NCOA3: variants seen among roughly 807,000 people sequenced by gnomAD.
The protein encoded by NCOA3 is CBP-interacting protein.
Under a neutral mutation model 158.8 loss-of-function variants are expected in NCOA3, and 51 were observed. The ratio of observed to expected loss-of-function variants is 0.32; its 90% confidence interval spans 0.26 to 0.41. NCOA3 has a LOEUF of 0.41. Among genes scored for constraint, NCOA3 ranks in the 10% least tolerant of loss-of-function variants. NCOA3 has a pLI of 1.00. For synonymous variants in NCOA3, 537 were observed against 592.4 expected (o/e 0.91, Z 1.36); for missense variants, 1,510 against 1,746.6 (o/e 0.86, Z 2.41).
At chr20:47,588,442 C>A (rs576934433) in intron 2 of NCOA3, among the ~76,000 whole-genome samples, 1 of 152,162 alleles carries the variant, frequency 6.6e-6, no homozygotes, top group Non-Finnish European at 1.5e-5. Context: ...ACCTCCACCC[C>A]ACTTTTACTT....
intron 17 of NCOA3, among the ~76,000 whole-genome samples, chr20:47,644,855 G>A (rs994757602): frequency 1.3e-5 from 2 of 151,922 alleles, no homozygotes; most frequent in Non-Finnish European, 2.9e-5. Flanking sequence ...ACGCCACCAC[G>A]CCCGGCTTTT....
chr20:47,570,942 A>AC (rs2146201330), intron 1 of NCOA3, among the ~76,000 whole-genome samples: 1 of 110,440 alleles, frequency 9.1e-6, no homozygotes, highest in South Asian at 3.0e-4. Context: ...ATATATATAC[A>AC]CACACACACA....
chr20:47,557,040 A>T (rs2061227844), intron 1 of NCOA3, among the ~76,000 whole-genome samples: 1 of 152,194 alleles, frequency 6.6e-6, no homozygotes, highest in Admixed American at 6.5e-5. Context: ...GGATAGTCTA[A>T]TAATAAACCA....
At chr20:47,552,742 T>A (rs1213560521) in intron 1 of NCOA3, among the ~76,000 whole-genome samples, 1 of 152,184 alleles carries the variant, frequency 6.6e-6, no homozygotes, top group African/African-American at 2.4e-5. Flanking sequence ...TAAAGGAATA[T>A]ATGAAAAGAA....
chr20:47,611,301 CT>C (rs2086039495), intron 2 of NCOA3, among the ~76,000 whole-genome samples: 1 of 152,206 alleles, frequency 6.6e-6, no homozygotes, highest in South Asian at 2.1e-4. Flanking sequence ...TTATCCAGTT[CT>C]TTCTCACTTA....
intron 4 of NCOA3, among the ~76,000 whole-genome samples, chr20:47,624,595 C>T (rs2086292765): frequency 6.6e-6 from 1 of 152,154 alleles, no homozygotes; most frequent in African/African-American, 2.4e-5. Flanking sequence ...AGCCCCATTC[C>T]TAACAGGCCA....
At chr20:47,576,976 A>G (rs1355376837) in intron 1 of NCOA3, among the ~76,000 whole-genome samples, 1 of 152,228 alleles carries the variant, frequency 6.6e-6, no homozygotes, top group African/African-American at 2.4e-5. Flanking sequence ...CTGTTTTGGT[A>G]ACCATTGGAT....
intron 2 of NCOA3, among the ~76,000 whole-genome samples, chr20:47,609,279 G>T (rs2086006149): frequency 6.6e-6 from 1 of 152,030 alleles, no homozygotes; most frequent in African/African-American, 2.4e-5. Context: ...TTTCTATGTG[G>T]ATGACACCCG....
At chr20:47,532,124 G>GTGTGTGTGTGTGTGTA (rs1486286807) in intron 1 of NCOA3, among the ~76,000 whole-genome samples, 1 of 151,688 alleles carries the variant, frequency 6.6e-6, no homozygotes, top group Non-Finnish European at 1.5e-5. Flanking sequence ...GTGTGTGTGT[G>GTGTGTGTGTGTGTGTA]TGTGTGTGTG....
intron 2 of NCOA3, among the ~76,000 whole-genome samples, chr20:47,618,199 C>T (rs1241606703): frequency 1.3e-5 from 2 of 152,130 alleles, no homozygotes; most frequent in African/African-American, 4.8e-5. Context: ...CATGCCACTG[C>T]ACTCCAGCCT....
intron 16 of NCOA3, among the ~76,000 whole-genome samples, chr20:47,641,325 T>A (rs1392342304): frequency 4.4e-5 from 2 of 44,956 alleles, no homozygotes; most frequent in Non-Finnish European, 9.8e-5. Flanking sequence ...TCAACATTTC[T>A]TTTTTTTTTT....
intron 1 of NCOA3, among the ~76,000 whole-genome samples, chr20:47,526,794 G>T (rs2084460913): frequency 6.6e-6 from 1 of 151,946 alleles, no homozygotes; most frequent in African/African-American, 2.4e-5. Context: ...GGGGAGAGGG[G>T]AGGGGAGAGG....
intron 2 of NCOA3, among the ~76,000 whole-genome samples, chr20:47,611,849 G>A (rs1043343113): frequency 6.6e-6 from 1 of 151,774 alleles, no homozygotes; most frequent in Admixed American, 6.6e-5. Flanking sequence ...CCAGACCAGG[G>A]TCTCACTCCC....
intron 2 of NCOA3, among the ~76,000 whole-genome samples, chr20:47,589,691 G>T (rs1294291167): frequency 6.6e-6 from 1 of 151,988 alleles, no homozygotes; most frequent in African/African-American, 2.4e-5. Flanking sequence ...AACTTTTAAA[G>T]TCTCTTTTAT....
chr20:47,586,328 C>T (rs897724199), intron 2 of NCOA3, among the ~76,000 whole-genome samples: 1 of 152,056 alleles, frequency 6.6e-6, no homozygotes, highest in African/African-American at 2.4e-5. Flanking sequence ...TACCCACTTG[C>T]TTATTTGTAT....
At chr20:47,566,658 C>G (rs1219251001) in intron 1 of NCOA3, among the ~76,000 whole-genome samples, 1 of 152,044 alleles carries the variant, frequency 6.6e-6, no homozygotes, top group Non-Finnish European at 1.5e-5. Flanking sequence ...ACCACAGGCA[C>G]GTGCTACCAT....
intron 8 of NCOA3, 75 bp from the exon 9 acceptor site, chr20:47,633,421 C>A: frequency 1.4e-6 from 2 of 1,384,734 alleles, no homozygotes; most frequent in Non-Finnish European, 2.0e-6. Flanking sequence ...TTCTCCAGTG[C>A]TAAGCCATGT....
At chr20:47,624,803 C>T (rs1211553922) in intron 4 of NCOA3, among the ~76,000 whole-genome samples, 2 of 152,116 alleles carry the variant, frequency 1.3e-5, no homozygotes, top group African/African-American at 2.4e-5. Flanking sequence ...GATGGTGTCT[C>T]GCTTTGTCTC....
intron 2 of NCOA3, among the ~76,000 whole-genome samples, chr20:47,617,994 T>C (rs931429284): frequency 6.6e-6 from 1 of 152,160 alleles, no homozygotes; most frequent in East Asian, 1.9e-4. Flanking sequence ...TGCAGCGCTT[T>C]GGGAGGCTGA....
Sources: allele counts gnomAD v4.1 joint callset (sites outside exome capture counted in the v4.1 genomes callset), GRCh38; gene constraint gnomAD v4.1.1; transcripts MANE v1.5; gene names NCBI Gene and HGNC (gene_info 2026-07-23, HGNC 2026-07-21).